The following SFI1 variants were observed in gnomAD, a reference collection of about 807,000 sequenced individuals.
The protein encoded by SFI1 is protein SFI1 homolog.
Under a neutral mutation model 207.5 loss-of-function variants are expected in SFI1, and 195 were observed. That is an observed-to-expected ratio of 0.94 (90% CI 0.84 to 1.06). SFI1 has a LOEUF of 1.06. SFI1 is among the 50% of genes least tolerant of loss of function. The pLI, the probability that SFI1 is intolerant of heterozygous loss-of-function variation, is 0.00. For synonymous variants in SFI1, 630 were observed against 598.9 expected, an observed-to-expected ratio of 1.05 and a Z score of -0.76; for missense variants, 1,634 against 1,588.0, an observed-to-expected ratio of 1.03 and a Z score of -0.49.
intron 2 of SFI1, among the ~76,000 whole-genome samples, chr22:31,525,693 G>A (rs1459925548): frequency 2.0e-5 from 3 of 151,782 alleles, no homozygotes; most frequent in African/African-American, 7.3e-5. Flanking sequence ...TTCCAGTGGG[G>A]CAACAGAATG....
At chr22:31,580,542 C>CTTTTTTTTTTTTTTTTT (rs11347645) in intron 12 of SFI1, among the ~76,000 whole-genome samples, 178 bp downstream of exon 12, 9 of 117,276 alleles carry the variant, frequency 7.7e-5, no homozygotes, top group Non-Finnish European at 1.2e-4. Context: ...CTTTTCTTTT[C>CTTTTTTTTTTTTTTTTT]TTTTTTTTTT....
chr22:31,524,428 CTT>C (rs930075359), intron 2 of SFI1, among the ~76,000 whole-genome samples: 2 of 145,720 alleles, frequency 1.4e-5, no homozygotes. Flanking sequence ...GCTCCCCTCA[CTT>C]TTTTTTTTTT....
intron 1 of SFI1, among the ~76,000 whole-genome samples, chr22:31,498,996 TA>T (rs2053252370): frequency 6.6e-6 from 1 of 150,522 alleles, no homozygotes; most frequent in Non-Finnish European, 1.5e-5. Context: ...CCTGAGCCAC[TA>T]CATGCCCGGC....
chr22:31,548,339 G>GC (rs1481583790), intron 5 of SFI1, among the ~76,000 whole-genome samples: 1 of 152,118 alleles, frequency 6.6e-6, no homozygotes, highest in Non-Finnish European at 1.5e-5. Context: ...GGAGGCTGAG[G>GC]CGGGTGGATC....
chr22:31,578,254 G>T, intron 10 of SFI1, 128 bp from the exon 11 acceptor site: 1 of 739,830 alleles, frequency 1.4e-6, no homozygotes, highest in East Asian at 2.9e-5. Flanking sequence ...AGTAGACAGA[G>T]GTGGACCTCA....
At chr22:31,575,090 GT>G in intron 9 of SFI1, 140 bp from the exon 10 acceptor site, 16 of 88,244 alleles carry the variant, frequency 1.8e-4, no homozygotes, top group East Asian at 2.3e-3. Context: ...TAGTGCGTGT[GT>G]GTGTGTGTGT....
Position 31,602,657 on chromosome 22 carries a change from G to T in SFI1, c.1677G>T (p.Trp559Cys), listed in dbSNP as rs1397334474. 3 of 1,614,168 alleles carry T rather than the reference G, an allele frequency of 1.9e-6. No homozygotes were observed. In the East Asian group the frequency reaches 6.7e-5, roughly 36 times the overall value. The change falls in exon 17 of 33, where the codon TGG (tryptophan) becomes TGT (cysteine). Residue 559 changes from tryptophan (W) to cysteine (C), a missense_variant. Trp to Cys is a radical substitution (Grantham distance 215). Transcript: ENST00000400288. ...RQLLYRSWFM[W>C]HQQAAARHQE... ...TTCTGTATAGGTCTTGGTTCATGTG[G>T]CACCAGCAGGCAGCAGCACGTCACC...
chr22:31,528,641 G>A (rs1435805310), intron 2 of SFI1, 49 bp from the exon 3 acceptor site: 1 of 1,534,940 alleles, frequency 6.5e-7, no homozygotes, highest in Non-Finnish European at 9.0e-7. Flanking sequence ...TGCATCACAT[G>A]CAGAGATAAC....
intron 12 of SFI1, among the ~76,000 whole-genome samples, chr22:31,582,220 ATATATATATATATATATT>A (rs2064333398): frequency 6.2e-5 from 2 of 32,520 alleles, no homozygotes; most frequent in African/African-American, 2.2e-4. Flanking sequence ...ATATATATAT[ATATATATATATATATATT>A]TTTTTTTTTT....
At chr22:31,536,902 T>C (rs1264524665) in intron 4 of SFI1, among the ~76,000 whole-genome samples, 1 of 151,948 alleles carries the variant, frequency 6.6e-6, no homozygotes, top group African/African-American at 2.4e-5. Flanking sequence ...TTTTTGTTTT[T>C]TTTTTTAAAA....
intron 29 of SFI1, chr22:31,616,253 AC>A (rs1007969393): frequency 1.3e-5 from 2 of 153,130 alleles, no homozygotes; most frequent in Non-Finnish European, 2.9e-5. Context: ...GGGGCCACTT[AC>A]CCTGGCTGGA....
chr22:31,606,137 C>T (rs757403281), intron 20 of SFI1, 191 bp from the exon 21 acceptor site: 8 of 601,174 alleles, frequency 1.3e-5, no homozygotes, highest in South Asian at 3.9e-5. Flanking sequence ...GTGCCCAGCC[C>T]AGAGCAGCTG....
chr22:31,567,143 G>C (rs1179645451), intron 8 of SFI1, among the ~76,000 whole-genome samples: 1 of 152,130 alleles, frequency 6.6e-6, no homozygotes, highest in Non-Finnish European at 1.5e-5. Flanking sequence ...CTGACCTCAT[G>C]ATCCGCCCAC....
At chr22:31,608,090 G>A (rs1221159616) in intron 22 of SFI1, 57 bp downstream of exon 22, 1 of 1,401,630 alleles carries the variant, frequency 7.1e-7, no homozygotes, top group Non-Finnish European at 1.0e-6. Flanking sequence ...GCGCTGTTGT[G>A]GAGATCCCTG....
chr22:31,503,357 C>T (rs2054116235), intron 1 of SFI1, among the ~76,000 whole-genome samples: 1 of 152,230 alleles, frequency 6.6e-6, no homozygotes, highest in East Asian at 1.9e-4. Flanking sequence ...GTGTGGTCCA[C>T]TTTCCTTTGG....
At chr22:31,606,134 GCC>G in intron 20 of SFI1, 192 bp from the exon 21 acceptor site, 1 of 596,414 alleles carries the variant, frequency 1.7e-6, no homozygotes, top group Non-Finnish European at 3.0e-6. Context: ...TTGGTGCCCA[GCC>G]CAGAGCAGCT....
chr22:31,535,234 G>T (rs1443674280), intron 4 of SFI1, among the ~76,000 whole-genome samples: 1 of 148,838 alleles, frequency 6.7e-6, no homozygotes, highest in Non-Finnish European at 1.5e-5. Context: ...CCGTTGCCCA[G>T]GCTGGAGTGC....
intron 4 of SFI1, among the ~76,000 whole-genome samples, chr22:31,542,350 G>A (rs762173512): frequency 5.3e-5 from 8 of 151,826 alleles, no homozygotes; most frequent in Non-Finnish European, 1.2e-4. Flanking sequence ...AAAATAGGCC[G>A]GGCATGGTGG....
In SFI1 at chr22:31,611,979, C is replaced by A. The variant is rs2070236766; in HGVS notation, c.2490+139C>A. 3.5e-6 allele frequency: 5 copies of A among 1,442,338 alleles called. No homozygotes were observed. In the Admixed American group the frequency reaches 7.6e-5, roughly 22 times the overall value. The allele number at this position is 1,442,338 out of a possible 1,614,324, so 89.3% of individuals were successfully genotyped here. On this transcript the variant is annotated intron_variant, in intron 24 of 32. Coordinates refer to ENST00000400288, the MANE Select transcript of SFI1 (RefSeq NM_001007467.3). ...CCCTCCCCAGGGCCACCTCCTCTAC[C>A]ACCTTCCTGTCATTTCCAGGCACAT... is the stretch of plus-strand genomic sequence containing the variant.
Sources: allele counts gnomAD v4.1 joint callset (sites outside exome capture counted in the v4.1 genomes callset), GRCh38; gene constraint gnomAD v4.1.1; transcripts MANE v1.5; gene names NCBI Gene and HGNC (gene_info 2026-07-23, HGNC 2026-07-21).